The following RPTOR variants were observed in gnomAD, a reference collection of about 807,000 sequenced individuals.
RPTOR encodes regulatory-associated protein of mTOR.
A neutral mutation model predicts 169.9 loss-of-function variants in RPTOR; 21 were observed. The ratio of observed to expected loss-of-function variants is 0.12; its 90% CI spans 0.09 to 0.18. The LOEUF (loss-of-function observed/expected upper bound fraction) is 0.18. Among genes scored for constraint, RPTOR ranks in the 10% least tolerant of loss-of-function variants. RPTOR has a pLI of 1.00. For missense variants in RPTOR, 1,133 were observed against 1,855.9 expected, an observed-to-expected ratio of 0.61 and a Z score of 7.16; for synonymous variants, 732 against 753.2, an observed-to-expected ratio of 0.97 and a Z score of 0.46.
intron 2 of RPTOR, among the ~76,000 whole-genome samples, chr17:80,640,892 T>C (rs367685102): frequency 3.3e-5 from 5 of 152,372 alleles, no homozygotes; most frequent in African/African-American, 7.2e-5. Context: ...TTTCTGACCA[T>C]AGATGACAGC....
rs1417431429 is a variant in RPTOR, at chr17:80,959,199, G to C, written c.3478-879G>C. On this transcript the variant is annotated intron_variant, in intron 29 of 33. Transcript: ENST00000306801. This position sits in a 1 kb window ranked among gnomAD's most constrained non-coding sequence, Gnocchi z 6.7. ...CCGTGGATCCCTCGAGGCACCAGCAGCTTTCATGGCACCTTCTTTGGGGTG... is the reference window on the plus strand; with the variant it reads ...CCGTGGATCCCTCGAGGCACCAGCACCTTTCATGGCACCTTCTTTGGGGTG... Among the ~76,000 whole-genome samples the C allele has an allele frequency of 6.6e-6, 1 of 152,262 alleles. No individual in the cohort carries two copies. Among genetic ancestry groups the C allele is most frequent in the African/African-American group, 2.4e-5 (1 of 41,470 alleles).
chr17:80,840,819 GCC>G (rs199815370), intron 10 of RPTOR, among the ~76,000 whole-genome samples: 9 of 25,318 alleles, frequency 3.6e-4, no homozygotes, highest in Admixed American at 2.1e-3. Flanking sequence ...CTCTCACCAC[GCC>G]GCAGCTCACA....
Position 80,883,610 on chromosome 17 carries a change from C to G in RPTOR, c.1650+126C>G, listed in dbSNP as rs538301240. On this transcript the variant is annotated intron_variant, in intron 15 of 33. Transcript: ENST00000306801. ...TCCAGCAGAGGCTCTGACCCTTCAT[C>G]TAGCCAGCCATTTGCAGGCTGAATA... 1.3e-4 allele frequency: 157 copies of G among 1,205,358 alleles called. 1 individual carries two copies. In the South Asian group the frequency reaches 1.6e-3, roughly 12 times the overall value. 74.7% of individuals were successfully genotyped at this position (1,205,358 alleles called of 1,614,324 possible).
At chr17:80,945,619 G>A (rs770954376) in intron 25 of RPTOR, 48 bp from the exon 26 acceptor site, 5 of 1,180,800 alleles carry the variant, frequency 4.2e-6, no homozygotes, top group African/African-American at 1.6e-5. Context: ...AAATAAGGGG[G>A]AAAAGATGCT....
At chr17:80,924,060 TG>T in intron 23 of RPTOR, 1 of 272,030 alleles carries the variant, frequency 3.7e-6, no homozygotes, top group Non-Finnish European at 7.0e-6. Flanking sequence ...TGCGTCCGCT[TG>T]GGGGCAGCTG....
chr17:80,621,216 C>T (rs1278151490), intron 1 of RPTOR, among the ~76,000 whole-genome samples: 1 of 152,132 alleles, frequency 6.6e-6, no homozygotes, highest in East Asian at 1.9e-4. Flanking sequence ...AGGTGAGGCC[C>T]CTAGCCATCC....
intron 5 of RPTOR, among the ~76,000 whole-genome samples, chr17:80,733,246 A>G (rs1567880869): frequency 6.6e-6 from 1 of 152,234 alleles, no homozygotes; most frequent in Non-Finnish European, 1.5e-5. Flanking sequence ...GGAAAATGAC[A>G]TATCTGTCAC....
Position 80,897,653 on chromosome 17 carries a change from T to C in RPTOR, c.2401+3788T>C, listed in dbSNP as rs544927057. Among the ~76,000 whole-genome samples the C allele has an allele frequency of 5.6e-4, 86 of 152,358 alleles. No homozygotes were observed. In the Middle Eastern group the frequency reaches 0.01, roughly 18 times the overall value. On this transcript the variant is annotated intron_variant, in intron 20 of 33. Coordinates refer to ENST00000306801, the MANE Select transcript of RPTOR (RefSeq NM_020761.3). ...CAGCTATTTCTTTGGGCGCTCCCCA[T>C]TGGCATTCACGAGTGGGTTGGGCTG...
chr17:80,964,582 C>A lies in RPTOR; in HGVS notation c.*252C>A. ...CTGAGCACCAGCATCCAGGTGCACC[C>A]CCGCGGCCACGGCGCCTCTGTCCCT... On this transcript the variant is annotated 3_prime_UTR_variant, in exon 34 of 34. Transcript: ENST00000306801. The A allele has an allele frequency of 1.8e-6, 1 of 564,536 alleles. No individual in the cohort carries two copies. The highest frequency in any genetic ancestry group is 2.1e-5 in the South Asian group (1 of 46,534). The allele number at this position is 564,536 out of a possible 1,614,324, so 35.0% of individuals were successfully genotyped here. A position where few individuals can be genotyped will look rare whatever the true frequency, so the allele number is the denominator to read the frequency against.
intron 3 of RPTOR, among the ~76,000 whole-genome samples, chr17:80,645,209 G>A (rs12936687): frequency 0.64 from 96,682 of 151,944 alleles, 31,169 homozygotes; most frequent in African/African-American, 0.74. Flanking sequence ...ACGGGCACTT[G>A]CAGGAGTGTG....
rs1369957403 is a variant in RPTOR at position 80,730,233 on chromosome 17, A to G, written c.508-327A>G. 1.3e-5 allele frequency among the ~76,000 whole-genome samples: 2 copies of G among 152,086 alleles called. No homozygotes were observed. Among genetic ancestry groups the G allele is most frequent in the East Asian group, 1.9e-4 (1 of 5,188 alleles). On this transcript the variant is annotated intron_variant, in intron 4 of 33. Coordinates refer to ENST00000306801, the MANE Select transcript of RPTOR (RefSeq NM_020761.3). The surrounding 1 kb of genome is among the most constrained non-coding windows in gnomAD (Gnocchi z 4.2). The stretch of plus-strand genomic sequence containing the variant: ...GTGATTCTCCTGCCTCAGCCTCCCA[A>G]GTAGCTGGGTTTACAGGTGCCCTTC...
At chr17:80,890,697 C>T (rs2672883) in intron 17 of RPTOR, among the ~76,000 whole-genome samples, 4,390 of 152,274 alleles carry the variant, frequency 0.029, 99 homozygotes, top group South Asian at 0.069. Context: ...GGTGAAGAGC[C>T]GGCAGCTGGA....
At chr17:80,849,532 T>G (rs1334744310) in intron 11 of RPTOR, among the ~76,000 whole-genome samples, 1 of 152,202 alleles carries the variant, frequency 6.6e-6, no homozygotes, top group Admixed American at 6.5e-5. Flanking sequence ...TGGTGTCTAT[T>G]TTTTTGAGAT....
intron 27 of RPTOR, among the ~76,000 whole-genome samples, chr17:80,949,028 C>G (rs1393740903): frequency 1.3e-5 from 2 of 152,152 alleles, no homozygotes; most frequent in Non-Finnish European, 2.9e-5. Flanking sequence ...CGTTCTGCTC[C>G]CTGGCACAGG....
intron 7 of RPTOR, among the ~76,000 whole-genome samples, chr17:80,812,631 AC>A (rs1377327618): frequency 1.3e-5 from 2 of 152,066 alleles, no homozygotes; most frequent in African/African-American, 4.8e-5. Flanking sequence ...GTGGCCCCAA[AC>A]GAAAGCTCAA....
chr17:80,919,475 C>T (rs933292820), intron 21 of RPTOR, among the ~76,000 whole-genome samples: 4 of 152,210 alleles, frequency 2.6e-5, no homozygotes, highest in Non-Finnish European at 5.9e-5. Context: ...CGCTGGCATC[C>T]GCAGCCCTGA....
At chr17:80,792,057 G>A (rs566774080) in intron 7 of RPTOR, among the ~76,000 whole-genome samples, 4 of 152,204 alleles carry the variant, frequency 2.6e-5, no homozygotes, top group South Asian at 2.1e-4. Flanking sequence ...TGGCCAACCC[G>A]TCTGTCCCTC....
At chr17:80,943,864 G>C (rs1441086534) in intron 25 of RPTOR, among the ~76,000 whole-genome samples, 1 of 152,246 alleles carries the variant, frequency 6.6e-6, no homozygotes, top group Non-Finnish European at 1.5e-5. Flanking sequence ...ACCACCTGGA[G>C]CTATGTCTCT....
intron 13 of RPTOR, among the ~76,000 whole-genome samples, chr17:80,867,719 A>G (rs2068009067): frequency 6.6e-6 from 1 of 152,244 alleles, no homozygotes; most frequent in South Asian, 2.1e-4. Context: ...TATATACACT[A>G]GCAATCAACA....
Sources: allele counts gnomAD v4.1 joint callset (sites outside exome capture counted in the v4.1 genomes callset), GRCh38; gene constraint gnomAD v4.1.1; non-coding constraint Gnocchi (gnomAD v3.1); transcripts MANE v1.5; gene names NCBI Gene and HGNC (gene_info 2026-07-23, HGNC 2026-07-21).